The following EMP2 variants were observed in gnomAD, a reference collection of about 807,000 sequenced individuals.
EMP2 encodes the protein epithelial membrane protein 2.
Under a neutral mutation model 13.7 loss-of-function variants are expected in EMP2, and 19 were observed. The observed-to-expected ratio is 1.38, with a 90% confidence interval of 0.97 to 2.03. The LOEUF (loss-of-function observed/expected upper bound fraction) is 2.03. Ranked by LOEUF, EMP2 falls within the 30% of genes most tolerant of loss-of-function variation. The pLI is 0.00. For synonymous variants in EMP2, 97 were observed against 84.7 expected (o/e 1.15, Z -0.80); for missense variants, 253 against 220.7 (o/e 1.15, Z -0.93).
At chr16:10,542,581 A>G (rs576673746) in intron 3 of EMP2, among the ~76,000 whole-genome samples, 2 of 152,322 alleles carry the variant, frequency 1.3e-5, no homozygotes, top group South Asian at 2.1e-4. Flanking sequence ...ACTGTATTTT[A>G]TCAGGCAACT....
At chr16:10,573,411 C>A (rs974881144) in intron 1 of EMP2, among the ~76,000 whole-genome samples, 1 of 152,184 alleles carries the variant, frequency 6.6e-6, no homozygotes, top group Non-Finnish European at 1.5e-5. Context: ...TTGGCATCTG[C>A]AATGTGATGT....
At chr16:10,560,632 G>A (rs1462929410) in intron 1 of EMP2, among the ~76,000 whole-genome samples, 1 of 152,216 alleles carries the variant, frequency 6.6e-6, no homozygotes, top group Non-Finnish European at 1.5e-5. Context: ...AAGGGCAAGG[G>A]TGTGTAAACG....
intron 1 of EMP2, among the ~76,000 whole-genome samples, chr16:10,557,190 C>T (rs997628763): frequency 6.6e-6 from 1 of 152,030 alleles, no homozygotes; most frequent in East Asian, 1.9e-4. Context: ...AACGCTGTCT[C>T]TACTAAAAAT....
At position 10,533,837 on chromosome 16, in the gene EMP2, G is replaced by C. The variant is rs371869681; in HGVS notation, c.317-745C>G. Among the ~76,000 whole-genome samples, 33 of 152,210 alleles carry C rather than the reference G, an allele frequency of 2.2e-4. 1 individual carries two copies. The East Asian group carries it at 3.1e-3, about 14-fold the overall frequency. On this transcript the variant is annotated intron_variant, in intron 4 of 4. Transcript: ENST00000359543. ...GTGAAAAATATGACTCCCTGGGCCG[G>C]ACACGGTGACTCATGCCTGTAATCC...
intron 1 of EMP2, among the ~76,000 whole-genome samples, chr16:10,561,017 T>C (rs2050867596): frequency 6.6e-6 from 1 of 151,952 alleles, no homozygotes; most frequent in African/African-American, 2.4e-5. Flanking sequence ...GTCAGAAGGA[T>C]GGAGTAGCAG....
At chr16:10,539,671 C>T (rs2050679098) in intron 3 of EMP2, among the ~76,000 whole-genome samples, 1 of 151,972 alleles carries the variant, frequency 6.6e-6, no homozygotes, top group South Asian at 2.1e-4. Flanking sequence ...CCAAACTGAG[C>T]CCTTAAGAAG....
chr16:10,573,366 T>A (rs1179825515), intron 1 of EMP2, among the ~76,000 whole-genome samples: 1 of 152,192 alleles, frequency 6.6e-6, no homozygotes, highest in South Asian at 2.1e-4. Context: ...TTAACCCCCA[T>A]GAACAGCATC....
In EMP2 at chr16:10,532,887, C is replaced by A; in HGVS notation, c.*18G>T. 7.0e-7 allele frequency: 1 copy of A among 1,420,938 alleles called. No individual in the cohort carries two copies. Among genetic ancestry groups the A allele is most frequent in the Non-Finnish European group, 9.3e-7 (1 of 1,075,908 alleles). 88.0% of individuals were successfully genotyped at this position (1,420,938 alleles called of 1,614,324 possible). ...TGTGGATTCTGTACTGCAGCAGAAG[C>A]AACCCAGCTCCGGAACTCTATTTGC... On this transcript the variant is annotated 3_prime_UTR_variant, in exon 5 of 5. Coordinates refer to ENST00000359543, the MANE Select transcript of EMP2 (RefSeq NM_001424.6).
intron 1 of EMP2, among the ~76,000 whole-genome samples, chr16:10,557,622 C>T (rs1355002099): frequency 6.6e-6 from 1 of 152,120 alleles, no homozygotes; most frequent in Non-Finnish European, 1.5e-5. Flanking sequence ...TATCCAGAAA[C>T]TCAGTGAGGT....
intron 2 of EMP2, 26 bp downstream of exon 2, chr16:10,547,514 C>T (rs368141500): frequency 3.9e-5 from 63 of 1,612,744 alleles, no homozygotes; most frequent in Middle Eastern, 3.3e-4. Context: ...CAGGTTTCTG[C>T]GTGAGTGGCA....
chr16:10,552,806 G>A (rs2050798135), intron 1 of EMP2, among the ~76,000 whole-genome samples: 1 of 152,230 alleles, frequency 6.6e-6, no homozygotes, highest in African/African-American at 2.4e-5. Context: ...GTCAAATGCT[G>A]ATGTCTGGGA....
Position 10,543,578 on chromosome 16 carries a change from C to G in EMP2, c.161G>C (p.Ser54Thr), listed in dbSNP as rs752960347. The change falls in exon 3 of 5, where the codon AGC (serine) becomes ACC (threonine). Residue 54 changes from serine (S) to threonine (T), a missense_variant. Physicochemically the swap from Ser to Thr is moderately conservative, Grantham distance 58. Coordinates refer to ENST00000359543, the MANE Select transcript of EMP2 (RefSeq NM_001424.6). ...NNTNCTVIND[S>T]FQEYSTLQAV... ...CCTTCATTCACACTTACCTTGAAAG[C>G]TGTCATTGATGACTGTGCAATTCGT... 2 of 1,614,102 alleles carry G rather than the reference C, an allele frequency of 1.2e-6. No individual in the cohort carries two copies. The highest frequency in any genetic ancestry group is 3.3e-5 in the Admixed American group (2 of 60,014).
At chr16:10,563,109 C>T (rs1393639783) in intron 1 of EMP2, among the ~76,000 whole-genome samples, 1 of 152,222 alleles carries the variant, frequency 6.6e-6, no homozygotes, top group East Asian at 1.9e-4. Flanking sequence ...CTTTCCTTCA[C>T]AGAGCACCTT....
intron 1 of EMP2, among the ~76,000 whole-genome samples, chr16:10,559,524 A>G (rs2050857227): frequency 6.6e-6 from 1 of 152,164 alleles, no homozygotes; most frequent in Non-Finnish European, 1.5e-5. Flanking sequence ...GGGTCTTCCA[A>G]TCTCTTGGAA....
chr16:10,553,568 G>C (rs1188473609), intron 1 of EMP2, among the ~76,000 whole-genome samples: 5 of 151,722 alleles, frequency 3.3e-5, no homozygotes, highest in Non-Finnish European at 7.4e-5. Flanking sequence ...GCTAGTAGGG[G>C]ACAAGAGTGT....
chr16:10,535,204 T>C (rs1250179619), intron 4 of EMP2, among the ~76,000 whole-genome samples: 1 of 152,026 alleles, frequency 6.6e-6, no homozygotes, highest in Non-Finnish European at 1.5e-5. Flanking sequence ...CACTCTGCAG[T>C]TTGAAGCAGA....
At chr16:10,540,625 GTTGT>G (rs1234280596) in intron 3 of EMP2, among the ~76,000 whole-genome samples, 5 of 152,130 alleles carry the variant, frequency 3.3e-5, no homozygotes, top group African/African-American at 7.2e-5. Context: ...GGTGTTTGGG[GTTGT>G]TTGTTTTTTA....
intron 1 of EMP2, among the ~76,000 whole-genome samples, chr16:10,552,996 G>C (rs1439149051): frequency 6.6e-6 from 1 of 152,200 alleles, no homozygotes; most frequent in African/African-American, 2.4e-5. Flanking sequence ...CAACAGAGAA[G>C]TAAAGGTCTC....
At chr16:10,575,254 TTTTTTTTTTTTTTTTTTG>T in intron 1 of EMP2, among the ~76,000 whole-genome samples, 1 of 93,702 alleles carries the variant, frequency 1.1e-5, no homozygotes. Flanking sequence ...TTTTTTTTTT[TTTTTTTTTTTTTTTTTTG>T]AGACAGAGTC....
Sources: gnomAD v4.1 joint callset for allele counts (sites outside exome capture counted in the v4.1 genomes callset) on GRCh38, gnomAD v4.1.1 for gene constraint, MANE v1.5 for transcripts, NCBI Gene and HGNC (gene_info 2026-07-23, HGNC 2026-07-21) for gene names.